ATP8A2: variants seen among roughly 807,000 people sequenced by gnomAD.
The protein encoded by ATP8A2 is phospholipid-transporting ATPase IB.
In ATP8A2, 100 loss-of-function variants were observed where a neutral mutation model predicts 165.6. The ratio of observed to expected loss-of-function variants is 0.60; its 90% CI spans 0.51 to 0.71. ATP8A2 has a LOEUF of 0.71. Ranked by LOEUF, ATP8A2 falls within the 30% of genes least tolerant of loss-of-function variation. ATP8A2 has a pLI of 0.00. For synonymous variants in ATP8A2, 543 were observed against 548.8 expected, an observed-to-expected ratio of 0.99 and a Z score of 0.15; for missense variants, 1,227 against 1,479.5, an observed-to-expected ratio of 0.83 and a Z score of 2.80.
At chr13:25,679,418 A>C (rs1378355596) in intron 24 of ATP8A2, among the ~76,000 whole-genome samples, 1 of 152,192 alleles carries the variant, frequency 6.6e-6, no homozygotes, top group Non-Finnish European at 1.5e-5. Flanking sequence ...CATTAGAAGA[A>C]GGCCAGGGAT....
chr13:25,913,595 G>A (rs544096979), intron 33 of ATP8A2, among the ~76,000 whole-genome samples: 2 of 152,294 alleles, frequency 1.3e-5, no homozygotes, highest in South Asian at 2.1e-4. Flanking sequence ...TGAAGCTGGT[G>A]TAGAGCATCC....
intron 33 of ATP8A2, among the ~76,000 whole-genome samples, chr13:25,928,611 A>C (rs1334172192): frequency 6.6e-6 from 1 of 152,220 alleles, no homozygotes; most frequent in South Asian, 2.1e-4. Context: ...TGTTTCAATA[A>C]TAGAACAGTT....
At chr13:25,667,774 A>AT (rs60051888) in intron 24 of ATP8A2, among the ~76,000 whole-genome samples, 7,636 of 150,396 alleles carry the variant, frequency 0.051, 632 homozygotes, top group African/African-American at 0.18. Flanking sequence ...TTTGTGTTTG[A>AT]TTTTTTTTTC....
chr13:25,443,592 A>G (rs2034990886), intron 1 of ATP8A2, among the ~76,000 whole-genome samples: 1 of 152,274 alleles, frequency 6.6e-6, no homozygotes, highest in Non-Finnish European at 1.5e-5. Flanking sequence ...CACGCCTATC[A>G]TGATTCAAGT....
rs762531496 is a variant in ATP8A2 at position 25,558,938 on chromosome 13, T to C, written c.1264-35T>C. On this transcript the variant is annotated intron_variant, in intron 13 of 36. Coordinates refer to ENST00000381655, the MANE Select transcript of ATP8A2 (RefSeq NM_016529.6). The stretch of plus-strand genomic sequence containing the variant: ...TTTGTTGATCTTTGCATCTCAATAC[T>C]TCCTGATGTATATTTCTTTTATTCT... 6 of 1,408,994 alleles carry C rather than the reference T, an allele frequency of 4.3e-6. No homozygotes were observed. The Admixed American group carries it at 1.1e-4, about 26-fold the overall frequency. The allele number at this position is 1,408,994 out of a possible 1,614,324, so 87.3% of individuals were successfully genotyped here. A position where few individuals can be genotyped will look rare whatever the true frequency, so the allele number is the denominator to read the frequency against.
intron 25 of ATP8A2, among the ~76,000 whole-genome samples, chr13:25,717,940 G>GT (rs1160710560): frequency 1.3e-5 from 2 of 152,144 alleles, no homozygotes; most frequent in Non-Finnish European, 2.9e-5. Flanking sequence ...TACATTATGT[G>GT]TTTTTTATGA....
chr13:25,640,796 A>G (rs1332474541), intron 24 of ATP8A2, among the ~76,000 whole-genome samples: 2 of 152,172 alleles, frequency 1.3e-5, no homozygotes, highest in Non-Finnish European at 2.9e-5. Context: ...GCAGAGACAC[A>G]ACAAAAAAAG....
chr13:26,002,888 GTGTGTGTA>G (rs1428202344), intron 35 of ATP8A2, among the ~76,000 whole-genome samples: 12 of 145,842 alleles, frequency 8.2e-5, no homozygotes, highest in African/African-American at 2.8e-4. Flanking sequence ...GTGTGTGTGT[GTGTGTGTA>G]TGTACCACAG....
chr13:25,621,144 A>G (rs2040957237), intron 24 of ATP8A2, among the ~76,000 whole-genome samples: 1 of 152,134 alleles, frequency 6.6e-6, no homozygotes, highest in South Asian at 2.1e-4. Flanking sequence ...TATCCTAGGT[A>G]CCTTTGTGTC....
chr13:25,965,172 GCTTTTAA>G (rs1433710333), intron 34 of ATP8A2, among the ~76,000 whole-genome samples: 2 of 152,114 alleles, frequency 1.3e-5, no homozygotes, highest in African/African-American at 4.8e-5. Context: ...AGAAAAAAAG[GCTTTTAA>G]ATTCCAGATT....
intron 2 of ATP8A2, among the ~76,000 whole-genome samples, chr13:25,488,096 A>G (rs1593387759): frequency 6.6e-6 from 1 of 152,320 alleles, no homozygotes; most frequent in Non-Finnish European, 1.5e-5. Context: ...GGCCGTGGAT[A>G]TCGTATATCC....
chr13:25,724,904 C>T (rs968116244), intron 25 of ATP8A2, among the ~76,000 whole-genome samples: 16 of 152,146 alleles, frequency 1.1e-4, no homozygotes, highest in Admixed American at 8.5e-4. Context: ...TTGCCTCTTC[C>T]GGTTCCTAGG....
At chr13:25,739,658 T>A (rs1405215831) in intron 25 of ATP8A2, among the ~76,000 whole-genome samples, 1 of 152,204 alleles carries the variant, frequency 6.6e-6, no homozygotes, top group Non-Finnish European at 1.5e-5. Context: ...AGCTTTATGT[T>A]ATGAGGATTG....
intron 16 of ATP8A2, among the ~76,000 whole-genome samples, chr13:25,570,121 G>A (rs542306934): frequency 2.0e-5 from 3 of 152,222 alleles, no homozygotes; most frequent in South Asian, 4.2e-4. Context: ...TCTGGTTTTC[G>A]TTGCTGTTCA....
At chr13:25,735,768 G>A (rs891339274) in intron 25 of ATP8A2, among the ~76,000 whole-genome samples, 4 of 152,144 alleles carry the variant, frequency 2.6e-5, no homozygotes, top group Admixed American at 6.5e-5. Context: ...ACTTGGTGAC[G>A]TCGTAGCTGT....
chr13:25,836,604 T>C (rs1998835), intron 28 of ATP8A2, among the ~76,000 whole-genome samples: 147,614 of 152,302 alleles, frequency 0.97, 71,607 homozygotes, highest in Non-Finnish European at 0.98. Context: ...ACTGCCCTCC[T>C]CCACTTCTGC....
chr13:25,864,196 C>T (rs1952437027), intron 33 of ATP8A2, among the ~76,000 whole-genome samples: 1 of 152,070 alleles, frequency 6.6e-6, no homozygotes. Flanking sequence ...ATAGATGGGG[C>T]CTCAGCCAAT....
chr13:25,528,653 T>C (rs2037916969), intron 2 of ATP8A2, among the ~76,000 whole-genome samples: 1 of 152,152 alleles, frequency 6.6e-6, no homozygotes. Context: ...AAAAACCTGC[T>C]AGATAATCTT....
intron 33 of ATP8A2, among the ~76,000 whole-genome samples, chr13:25,888,068 A>ACCCCCCCCCCCCCCCCC (rs71080210): frequency 2.8e-5 from 3 of 105,582 alleles, no homozygotes; most frequent in Admixed American, 2.0e-4. Flanking sequence ...AAGAACCCAG[A>ACCCCCCCCCCCCCCCCC]CCCCCCCCCC....
Sources: gnomAD v4.1 joint callset for allele counts (sites outside exome capture counted in the v4.1 genomes callset) on GRCh38, gnomAD v4.1.1 for gene constraint, MANE v1.5 for transcripts, NCBI Gene and HGNC (gene_info 2026-07-23, HGNC 2026-07-21) for gene names.